The following DENND2B variants were observed in gnomAD, a reference collection of about 807,000 sequenced individuals.
DENND2B encodes DENN domain-containing protein 2B.
DENND2B carries 32 observed loss-of-function variants against 116.0 expected under a neutral mutation model. That is an observed-to-expected ratio of 0.28 (90% CI 0.21 to 0.37). DENND2B has a LOEUF of 0.37. Ranked by LOEUF, DENND2B falls within the 10% of genes least tolerant of loss-of-function variation. DENND2B has a pLI of 1.00. For missense variants in DENND2B, 1,276 were observed against 1,477.7 expected (o/e 0.86, Z 2.24); for synonymous variants, 588 against 583.9 (o/e 1.01, Z -0.10).
intron 1 of DENND2B, among the ~76,000 whole-genome samples, chr11:8,797,513 T>A (rs2059935228): frequency 7.2e-6 from 1 of 138,270 alleles, no homozygotes; most frequent in Non-Finnish European, 1.5e-5. Context: ...TCTTCCCACT[T>A]CCCTCTTCCC....
At chr11:8,897,565 G>A (rs1279850723) in intron 1 of DENND2B, among the ~76,000 whole-genome samples, 2 of 152,106 alleles carry the variant, frequency 1.3e-5, no homozygotes, top group East Asian at 1.9e-4. Context: ...GTTTTGGTTG[G>A]GAAAAGTAAC....
At chr11:8,861,776 A>T (rs1174548982) in intron 2 of DENND2B, among the ~76,000 whole-genome samples, 1 of 152,180 alleles carries the variant, frequency 6.6e-6, no homozygotes, top group Non-Finnish European at 1.5e-5. Context: ...TACGGAACCA[A>T]CCTAAGTGCC....
rs1221306161 is a variant in DENND2B at position 8,702,011 on chromosome 11, C to A, written c.2720+561G>T. On this transcript the variant is annotated intron_variant, in intron 14 of 19. Transcript: ENST00000313726. This position sits in a 1 kb window ranked among gnomAD's most constrained non-coding sequence, Gnocchi z 4.6. ...TTCCTCACCCACTCTCCTCTCTGCA[C>A]CTCAGTGCCCCCATCACATCCTTCT... 6.6e-6 allele frequency among the ~76,000 whole-genome samples: 1 copy of A among 152,138 alleles called. No homozygotes were observed. The highest frequency in any genetic ancestry group is 1.5e-5 in the Non-Finnish European group (1 of 68,016).
At chr11:8,771,044 T>C (rs995186759) in intron 1 of DENND2B, among the ~76,000 whole-genome samples, 1 of 152,190 alleles carries the variant, frequency 6.6e-6, no homozygotes, top group South Asian at 2.1e-4. Context: ...TTCATTCATT[T>C]AGTTTCTTTC....
intron 1 of DENND2B, among the ~76,000 whole-genome samples, chr11:8,887,224 A>G (rs2063971452): frequency 6.6e-6 from 1 of 152,236 alleles, no homozygotes; most frequent in Non-Finnish European, 1.5e-5. Flanking sequence ...TTTATATAGC[A>G]AATAATTTTT....
upstream of DENND2B, among the ~76,000 whole-genome samples, chr11:8,873,556 A>C (rs1469026881): frequency 6.6e-6 from 1 of 152,242 alleles, no homozygotes; most frequent in Admixed American, 6.5e-5. Flanking sequence ...AGACACTGAC[A>C]TCAGAAATGG....
chr11:8,851,525 C>T (rs2063007062), intron 3 of DENND2B, among the ~76,000 whole-genome samples: 1 of 152,178 alleles, frequency 6.6e-6, no homozygotes, highest in Admixed American at 6.5e-5. Context: ...GAAACAGGCA[C>T]TCTCGCTCAC....
At chr11:8,876,804 C>T (rs757110137) in intron 2 of DENND2B, among the ~76,000 whole-genome samples, 103 of 151,048 alleles carry the variant, frequency 6.8e-4, no homozygotes, top group Non-Finnish European at 1.3e-3. Context: ...GCTTGAACTC[C>T]GGAGGCAGAG....
At chr11:8,772,048 C>T (rs2056986805) in intron 1 of DENND2B, 1 of 151,780 alleles carries the variant, frequency 6.6e-6, no homozygotes, top group South Asian at 2.1e-4. Context: ...CCCAAAACTT[C>T]TGAGTTCAGA....
chr11:8,783,804 T>C (rs1378790751), intron 1 of DENND2B, among the ~76,000 whole-genome samples: 3 of 151,910 alleles, frequency 2.0e-5, no homozygotes, highest in African/African-American at 7.3e-5. Context: ...TAGACAGAAG[T>C]ATAACAAAAG....
At position 8,743,498 on chromosome 11, in the gene DENND2B, C is replaced by T. The variant is rs368822274; in HGVS notation, c.80+7123G>A. ...CTGGTTGGCAGAGGCTGCAGTGAGC[C>T]GAGATCACACCACTGCACTCCAGCC... On this transcript the variant is annotated intron_variant, in intron 2 of 19. Transcript: ENST00000313726. Among the ~76,000 whole-genome samples, 282 of 151,506 alleles carry T rather than the reference C, an allele frequency of 1.9e-3. 2 individuals are homozygous for T. The highest frequency in any genetic ancestry group is 6.3e-3 in the African/African-American group (261 of 41,240).
intron 1 of DENND2B, among the ~76,000 whole-genome samples, chr11:8,789,335 A>G (rs1210988469): frequency 6.6e-6 from 1 of 152,250 alleles, no homozygotes; most frequent in Admixed American, 6.5e-5. Context: ...GGTATTTTCC[A>G]TAACAAAAAG....
intron 1 of DENND2B, among the ~76,000 whole-genome samples, chr11:8,784,995 T>C (rs971866890): frequency 3.3e-5 from 5 of 152,156 alleles, no homozygotes; most frequent in Admixed American, 6.5e-5. Flanking sequence ...TGATGCAGCA[T>C]GGAAGTTCTA....
intron 1 of DENND2B, among the ~76,000 whole-genome samples, chr11:8,882,043 T>C (rs928726652): frequency 5.9e-5 from 9 of 152,268 alleles, no homozygotes; most frequent in Middle Eastern, 3.4e-3. Flanking sequence ...ATCCTGGACA[T>C]CTTATCTACT....
intron 3 of DENND2B, among the ~76,000 whole-genome samples, chr11:8,845,790 C>G (rs1226074929): frequency 1.1e-4 from 17 of 152,164 alleles, no homozygotes; most frequent in Admixed American, 1.1e-3. Context: ...ATCTGCCTCT[C>G]CCACCAAAAC....
chr11:8,696,764 C>T, intron 17 of DENND2B, 98 bp from the exon 18 acceptor site: 2 of 1,515,548 alleles, frequency 1.3e-6, no homozygotes, highest in Non-Finnish European at 1.8e-6. Context: ...ACAAGACTTC[C>T]AGCCAGTACC....
At chr11:8,771,846 A>T (rs904221225) in intron 1 of DENND2B, 1 of 152,244 alleles carries the variant, frequency 6.6e-6, no homozygotes, top group African/African-American at 2.4e-5. Context: ...AGGGGGCCGG[A>T]CTTGTTTTTA....
intron 3 of DENND2B, chr11:8,839,491 G>C (rs2062550963): frequency 6.6e-6 from 1 of 152,164 alleles, no homozygotes; most frequent in Non-Finnish European, 1.5e-5. Context: ...GAACAAGAAA[G>C]GTGGGCGGGG....
Position 8,702,393 on chromosome 11 carries a change from AC to A in DENND2B, c.2720+178del, listed in dbSNP as rs1364799910. Among the ~76,000 whole-genome samples, 1 of 151,820 alleles carries A rather than the reference AC, an allele frequency of 6.6e-6. No individual in the cohort carries two copies. Among genetic ancestry groups the A allele is most frequent in the African/African-American group, 2.4e-5 (1 of 41,312 alleles). On this transcript the variant is annotated intron_variant, in intron 14 of 19. Transcript: ENST00000313726. The surrounding 1 kb of genome is among the most constrained non-coding windows in gnomAD (Gnocchi z 4.6). ...AATCCTGCCATCTGTGTGCTCCCAA[AC>A]CCTGCTCCCTCACCCACACAGGGGT...
Sources: allele counts gnomAD v4.1 joint callset (sites outside exome capture counted in the v4.1 genomes callset), GRCh38; gene constraint gnomAD v4.1.1; non-coding constraint Gnocchi (gnomAD v3.1); transcripts MANE v1.5; gene names NCBI Gene and HGNC (gene_info 2026-07-23, HGNC 2026-07-21).